Variants in PID1 observed in about 807,000 individuals in gnomAD.
PID1 encodes PTB-containing, cubilin and LRP1-interacting protein.
A neutral mutation model predicts 19.1 loss-of-function variants in PID1; 10 were observed. The observed-to-expected ratio is 0.52, with a 90% CI of 0.32 to 0.89. The LOEUF (loss-of-function observed/expected upper bound fraction) is 0.89. PID1 is among the 40% of genes least tolerant of loss of function. PID1 has a pLI of 0.03. For missense variants in PID1, 248 were observed against 285.3 expected (o/e 0.87, Z 0.94); for synonymous variants, 130 against 116.0 (o/e 1.12, Z -0.78).
chr2:229,222,413 C>G lies in PID1; in HGVS notation c.30+48601G>C, dbSNP rs1691990603. Among the ~76,000 whole-genome samples, 4 of 152,194 alleles carry G rather than the reference C, an allele frequency of 2.6e-5. No individual in the cohort carries two copies. In the South Asian group the frequency reaches 8.3e-4, roughly 32 times the overall value. On this transcript the variant is annotated intron_variant, in intron 1 of 2. Transcript: ENST00000392055. ...CATAGTATAAATATAATTTTTCTTC[C>G]CTTTTTCAATTAACATCATTAGTAT... is the stretch of plus-strand genomic sequence containing the variant.
intron 2 of PID1, among the ~76,000 whole-genome samples, chr2:229,068,366 G>T (rs1269119248): frequency 6.6e-6 from 1 of 152,002 alleles, no homozygotes; most frequent in Admixed American, 6.6e-5. Context: ...TATTTGTCAG[G>T]GTGTCACTTG....
intron 2 of PID1, among the ~76,000 whole-genome samples, chr2:229,115,663 A>C (rs989935388): frequency 6.6e-6 from 1 of 152,190 alleles, no homozygotes; most frequent in African/African-American, 2.4e-5. Context: ...AAGACTCAAA[A>C]AAGTCAATCA....
intron 1 of PID1, among the ~76,000 whole-genome samples, chr2:229,256,804 C>T (rs1690313329): frequency 1.3e-5 from 2 of 152,196 alleles, no homozygotes; most frequent in African/African-American, 2.4e-5. Context: ...CTAAGCTACG[C>T]TCTTTGTAGT....
intron 2 of PID1, among the ~76,000 whole-genome samples, chr2:229,120,877 TC>T (rs964165472): frequency 6.6e-6 from 1 of 151,972 alleles, no homozygotes; most frequent in Non-Finnish European, 1.5e-5. Context: ...ACAGGTTGGT[TC>T]CCAGGAGAGG....
At chr2:229,211,811 C>T (rs1375860482) in intron 1 of PID1, among the ~76,000 whole-genome samples, 1 of 152,188 alleles carries the variant, frequency 6.6e-6, no homozygotes, top group Non-Finnish European at 1.5e-5. Context: ...TATACACATC[C>T]CTTCCAACAG....
rs781633910 is a variant in PID1 at position 229,025,623 on chromosome 2, C to T, written c.*9G>A. On this transcript the variant is annotated 3_prime_UTR_variant, in exon 3 of 3. Transcript: ENST00000392055. ...CAATGCTGCCTTTGCTGAAGCGTCT[C>T]AAGTTCATTCAGCCATCATCGGATT... The T allele has an allele frequency of 1.9e-5, 30 of 1,593,116 alleles. No individual in the cohort carries two copies. The highest frequency in any genetic ancestry group is 2.4e-5 in the Non-Finnish European group (28 of 1,162,350).
At chr2:229,138,866 G>GAA (rs67108790) in intron 2 of PID1, among the ~76,000 whole-genome samples, 8 of 146,924 alleles carry the variant, frequency 5.4e-5, no homozygotes, top group South Asian at 2.2e-4. Flanking sequence ...GTAGAAGGAG[G>GAA]AAAAAAAAAT....
intron 1 of PID1, among the ~76,000 whole-genome samples, chr2:229,160,225 C>T (rs1690464598): frequency 6.6e-6 from 1 of 152,222 alleles, no homozygotes; most frequent in Non-Finnish European, 1.5e-5. Context: ...GTCTTCCCAT[C>T]CGTGTTGTAA....
chr2:229,139,155 G>GCAAGCAAGCA (rs1559252004), intron 2 of PID1, among the ~76,000 whole-genome samples: 2 of 112,792 alleles, frequency 1.8e-5, no homozygotes, highest in African/African-American at 6.9e-5. Context: ...GAAAGCAAGC[G>GCAAGCAAGCA]AGCGAGCAAG....
At chr2:229,120,624 T>G (rs1407131208) in intron 2 of PID1, among the ~76,000 whole-genome samples, 2 of 149,410 alleles carry the variant, frequency 1.3e-5, no homozygotes, top group African/African-American at 2.4e-5. Flanking sequence ...TATATATAGA[T>G]ATATACAATA....
At chr2:229,137,311 A>G (rs1389215417) in intron 2 of PID1, among the ~76,000 whole-genome samples, 2 of 152,246 alleles carry the variant, frequency 1.3e-5, no homozygotes, top group African/African-American at 4.8e-5. Flanking sequence ...AAGTAGCTTA[A>G]TTGTGACATG....
At chr2:229,250,802 T>G (rs889068438) in intron 1 of PID1, among the ~76,000 whole-genome samples, 7 of 152,212 alleles carry the variant, frequency 4.6e-5, no homozygotes, top group Non-Finnish European at 7.3e-5. Flanking sequence ...CCCTCATCTT[T>G]GCCCTTTACA....
chr2:229,033,538 G>A (rs1693599108), intron 2 of PID1, among the ~76,000 whole-genome samples: 1 of 152,098 alleles, frequency 6.6e-6, no homozygotes, highest in South Asian at 2.1e-4. Context: ...TGGAGGGTGG[G>A]GGGCTAGGGG....
intron 1 of PID1, among the ~76,000 whole-genome samples, chr2:229,213,872 A>G (rs1691789700): frequency 2.6e-5 from 4 of 152,238 alleles, no homozygotes; most frequent in African/African-American, 9.6e-5. Flanking sequence ...ACAATCAAAT[A>G]CCACAAACAA....
At chr2:229,109,970 T>C (rs539419371) in intron 2 of PID1, among the ~76,000 whole-genome samples, 1 of 152,310 alleles carries the variant, frequency 6.6e-6, no homozygotes, top group South Asian at 2.1e-4. Context: ...TCCAATTAGT[T>C]ACTCAGTAAT....
At position 229,060,085 on chromosome 2, in the gene PID1, C is replaced by A. The variant is rs184025535; in HGVS notation, c.178-33977G>T. ...TACATTCTGCAATGATGAAATCAAG[C>A]TTATTCACAAAACCATCACCAGGCT... On this transcript the variant is annotated intron_variant, in intron 2 of 2. Coordinates refer to ENST00000392055, the MANE Select transcript of PID1 (RefSeq NM_001100818.2). Among the ~76,000 whole-genome samples the A allele has an allele frequency of 2.3e-4, 35 of 152,166 alleles. 1 individual carries two copies. The highest frequency in any genetic ancestry group is 8.2e-4 in the African/African-American group (34 of 41,530).
chr2:229,253,664 G>A (rs1268997250), intron 1 of PID1, among the ~76,000 whole-genome samples: 1 of 151,810 alleles, frequency 6.6e-6, no homozygotes, highest in Non-Finnish European at 1.5e-5. Context: ...ACACGGAAGG[G>A]TACCCATATA....
At chr2:229,136,487 T>C (rs1689860020) in intron 2 of PID1, among the ~76,000 whole-genome samples, 2 of 152,226 alleles carry the variant, frequency 1.3e-5, no homozygotes, top group African/African-American at 4.8e-5. Context: ...TTTTCTGGTA[T>C]TTCACTGGTT....
At chr2:229,082,496 C>T (rs980930643) in intron 2 of PID1, among the ~76,000 whole-genome samples, 1 of 152,132 alleles carries the variant, frequency 6.6e-6, no homozygotes, top group Non-Finnish European at 1.5e-5. Flanking sequence ...TGGGTTTAAT[C>T]ATATGAATTT....
Sources: allele counts gnomAD v4.1 joint callset (sites outside exome capture counted in the v4.1 genomes callset), GRCh38; gene constraint gnomAD v4.1.1; transcripts MANE v1.5; gene names NCBI Gene and HGNC (gene_info 2026-07-23, HGNC 2026-07-21).